The following FOXO3 variants were observed in gnomAD, a reference collection of about 807,000 sequenced individuals.
FOXO3 encodes forkhead box O3.
A neutral mutation model predicts 41.9 loss-of-function variants in FOXO3; 4 were observed. That is an observed-to-expected ratio of 0.10 (90% confidence interval 0.05 to 0.22). FOXO3 has a LOEUF of 0.22. Among genes scored for constraint, FOXO3 ranks in the 10% least tolerant of loss-of-function variants. The pLI is 1.00. For synonymous variants in FOXO3, 318 were observed against 389.3 expected (o/e 0.82, Z 2.16); for missense variants, 534 against 906.8 (o/e 0.59, Z 5.28).
chr6:108,647,576 C>A (rs1778426628), intron 1 of FOXO3, among the ~76,000 whole-genome samples: 1 of 152,186 alleles, frequency 6.6e-6, no homozygotes, highest in Non-Finnish European at 1.5e-5. Flanking sequence ...CATTTTATAG[C>A]ATTCTAATTG....
At chr6:108,647,857 T>C (rs1345170341) in intron 1 of FOXO3, among the ~76,000 whole-genome samples, 1 of 152,214 alleles carries the variant, frequency 6.6e-6, no homozygotes. Flanking sequence ...TTAACTCTTT[T>C]TTTGGAAACT....
At chr6:108,590,103 A>C (rs774292715) in intron 1 of FOXO3, among the ~76,000 whole-genome samples, 10 of 152,138 alleles carry the variant, frequency 6.6e-5, no homozygotes, top group Admixed American at 1.3e-4. Context: ...TTAAATATGA[A>C]GACTGGAATT....
chr6:108,589,225 T>C (rs1776666754), intron 1 of FOXO3, among the ~76,000 whole-genome samples: 1 of 152,222 alleles, frequency 6.6e-6, no homozygotes, highest in African/African-American at 2.4e-5. Flanking sequence ...GAGAGAAATA[T>C]AGGCTGTATT....
At chr6:108,662,636 A>T (rs1387916118) in intron 1 of FOXO3, among the ~76,000 whole-genome samples, 4 of 152,178 alleles carry the variant, frequency 2.6e-5, no homozygotes, top group Non-Finnish European at 5.9e-5. Flanking sequence ...TCATTCACAG[A>T]AGTAGTTAAG....
chr6:108,606,164 A>C (rs966410883), intron 1 of FOXO3, among the ~76,000 whole-genome samples: 37 of 152,244 alleles, frequency 2.4e-4, no homozygotes, highest in African/African-American at 8.2e-4. Flanking sequence ...AATTCTGTAC[A>C]GTATGCTGGG....
At position 108,561,474 on chromosome 6, in the gene FOXO3, G is replaced by T. The variant is rs751737609; in HGVS notation, c.266G>T (p.Gly89Val). ...GGCGGCGGCGGGAGCGGCACGCTGG[G>T]CTCCGGGCTGCTCCTTGAGGACTCG... ...IGGGGGSGTL[G>V]SGLLLEDSAR... Residue 89 changes from glycine (G) to valine (V), a missense_variant, in exon 1 of 3, where the codon GGC becomes GTC. Around this residue, in one of 8 missense-constraint regions of FOXO3, gnomAD observed 139 missense variants for 163.7 expected, o/e 0.85. Coordinates refer to ENST00000406360, the MANE Select transcript of FOXO3 (RefSeq NM_001455.4). 16 of 1,513,378 alleles carry T rather than the reference G, an allele frequency of 1.1e-5. No individual in the cohort carries two copies. The highest frequency in any genetic ancestry group is 4.2e-5 in the African/African-American group (3 of 71,330). The allele number at this position is 1,513,378 out of a possible 1,614,324, so 93.7% of individuals were successfully genotyped here. A position where few individuals can be genotyped will look rare whatever the true frequency, so the allele number is the denominator to read the frequency against.
chr6:108,570,781 AT>A (rs1776078539), intron 1 of FOXO3, among the ~76,000 whole-genome samples: 1 of 152,206 alleles, frequency 6.6e-6, no homozygotes, highest in Non-Finnish European at 1.5e-5. Flanking sequence ...TAATACCTTG[AT>A]TATTTTTTAA....
At chr6:108,617,436 C>T (rs374693363) in intron 1 of FOXO3, among the ~76,000 whole-genome samples, 4 of 151,484 alleles carry the variant, frequency 2.6e-5, no homozygotes, top group Non-Finnish European at 5.9e-5. Flanking sequence ...AACAGTAAGA[C>T]GCTTGACTTA....
At chr6:108,669,181 G>A (rs1779145727) in intron 2 of FOXO3, among the ~76,000 whole-genome samples, 1 of 152,206 alleles carries the variant, frequency 6.6e-6, no homozygotes, top group African/African-American at 2.4e-5. Flanking sequence ...TGGACCTGGT[G>A]AAGTCTATGT....
intron 1 of FOXO3, among the ~76,000 whole-genome samples, chr6:108,605,356 A>G (rs1358541412): frequency 6.6e-6 from 1 of 152,120 alleles, no homozygotes; most frequent in Non-Finnish European, 1.5e-5. Context: ...TGACCTTGTG[A>G]TCTGCCTGCC....
chr6:108,584,845 A>G (rs1224190994), intron 1 of FOXO3, among the ~76,000 whole-genome samples: 1 of 152,074 alleles, frequency 6.6e-6, no homozygotes, highest in Non-Finnish European at 1.5e-5. Context: ...GAATAGCCTC[A>G]GTAGTACTAT....
Position 108,664,735 on chromosome 6 carries a change from T to G in FOXO3, c.1902T>G (p.Asp634Glu). Reference protein sequence around the residue: ...MESIIRSELMDADGLDFNFDS... With the variant: ...MESIIRSELMEADGLDFNFDS... ...CCATTATCCGTAGTGAACTCATGGA[T>G]GCTGATGGGTTGGATTTTAACTTTG... Residue 634 changes from aspartate to glutamate, a missense_variant, in exon 2 of 3, where the codon GAT (aspartate) becomes GAG (glutamate). This residue lies in a region of FOXO3 where 94 missense variants were observed against 214.4 expected (regional missense o/e 0.44). Transcript: ENST00000406360. 1 of 1,322,520 alleles carries G rather than the reference T, an allele frequency of 7.6e-7. No individual in the cohort carries two copies. The highest frequency in any genetic ancestry group is 1.5e-5 in the African/African-American group (1 of 67,476). The allele number at this position is 1,322,520 out of a possible 1,614,324, so 81.9% of individuals were successfully genotyped here.
intron 1 of FOXO3, among the ~76,000 whole-genome samples, chr6:108,656,864 A>G (rs1254956921): frequency 6.6e-6 from 1 of 152,238 alleles, no homozygotes; most frequent in Non-Finnish European, 1.5e-5. Context: ...GTATCTTGCA[A>G]TAGAAAACGG....
intron 2 of FOXO3, among the ~76,000 whole-genome samples, chr6:108,671,001 C>T (rs147665400): frequency 1.4e-3 from 217 of 152,298 alleles, no homozygotes; most frequent in African/African-American, 4.7e-3. Context: ...TTAAAGAATG[C>T]GTGGCCTAGT....
At chr6:108,619,730 G>T (rs1777614626) in intron 1 of FOXO3, among the ~76,000 whole-genome samples, 1 of 152,176 alleles carries the variant, frequency 6.6e-6, no homozygotes, top group Non-Finnish European at 1.5e-5. Context: ...TCCTTCTATA[G>T]ACTGTTGCAG....
intron 1 of FOXO3, among the ~76,000 whole-genome samples, chr6:108,648,907 G>A (rs1460469817): frequency 1.3e-5 from 2 of 150,826 alleles, no homozygotes; most frequent in Admixed American, 1.3e-4. Flanking sequence ...TGAGGTAGGA[G>A]GATCACTTGA....
chr6:108,663,976 G>T lies in FOXO3; in HGVS notation c.1143G>T (p.Gly381=). Residue 381 remains glycine (G), a synonymous_variant, in exon 2 of 3, where the codon GGG becomes GGT. Transcript: ENST00000406360. ...DMAGTMNLND[G]LTENLMDDLL... Reference sequence around the variant, plus strand: ...CAGGCACCATGAATCTGAATGATGGGCTGACTGAAAACCTCATGGACGACC... The same window carrying T: ...CAGGCACCATGAATCTGAATGATGGTCTGACTGAAAACCTCATGGACGACC... The T allele has an allele frequency of 1.2e-6, 2 of 1,614,164 alleles. No homozygotes were observed. The highest frequency in any genetic ancestry group is 1.3e-5 in the African/African-American group (1 of 75,048).
intron 1 of FOXO3, among the ~76,000 whole-genome samples, chr6:108,659,696 C>A (rs1778788969): frequency 6.6e-6 from 1 of 152,286 alleles, no homozygotes; most frequent in South Asian, 2.1e-4. Flanking sequence ...TGTCCTTTCC[C>A]ACCCGAACAC....
intron 1 of FOXO3, among the ~76,000 whole-genome samples, chr6:108,623,778 TAAG>T (rs1163516184): frequency 6.6e-6 from 1 of 152,182 alleles, no homozygotes; most frequent in Non-Finnish European, 1.5e-5. Flanking sequence ...AAACTGGACT[TAAG>T]AAGAGCCTTC....
Sources: allele counts gnomAD v4.1 joint callset (sites outside exome capture counted in the v4.1 genomes callset), GRCh38; gene constraint gnomAD v4.1.1; regional missense constraint gnomAD v4.1.1; transcripts MANE v1.5; gene names NCBI Gene and HGNC (gene_info 2026-07-23, HGNC 2026-07-21).